Variants in SPATA22 observed in about 807,000 individuals in gnomAD.
SPATA22 encodes spermatogenesis associated 22, also known as spermatogenesis-associated protein 22.
In SPATA22, 29 loss-of-function variants were observed where a neutral mutation model predicts 47.8. That is an observed-to-expected ratio of 0.61 (90% CI 0.45 to 0.83). The LOEUF is 0.83. SPATA22 is among the 40% of genes least tolerant of loss of function. The probability of loss-of-function intolerance (pLI) is 0.00; values close to 1 mark genes in which losing one functional copy is unlikely to be tolerated. For synonymous variants in SPATA22, 133 were observed against 140.9 expected (o/e 0.94, Z 0.40); for missense variants, 410 against 421.7 (o/e 0.97, Z 0.24).
Position 3,490,478 on chromosome 17 carries a change from A to G in SPATA22, c.-73-21080T>C, listed in dbSNP as rs917976153. Among the ~76,000 whole-genome samples the G allele has an allele frequency of 2.0e-5, 3 of 152,346 alleles. No individual in the cohort carries two copies. The highest frequency in any genetic ancestry group is 4.1e-4 in the South Asian group (2 of 4,826). On this transcript the variant is annotated intron_variant, in intron 1 of 8. Transcript: ENST00000541913. This position sits in a 1 kb window ranked among gnomAD's most constrained non-coding sequence, Gnocchi z 4.6. ...TGTTGTTGAGGAATGGGCAATTATAATAACAGAGGGGGTGTGTACTTCGGT... is the reference window on the plus strand; with the variant it reads ...TGTTGTTGAGGAATGGGCAATTATAGTAACAGAGGGGGTGTGTACTTCGGT...
chr17:3,509,847 T>TA (rs35226204), intron 1 of SPATA22, among the ~76,000 whole-genome samples: 143,991 of 152,122 alleles, frequency 0.95, 68,642 homozygotes, highest in East Asian at 1. Flanking sequence ...GACTTTTTAA[T>TA]AATCGCCATT....
In SPATA22 at chr17:3,482,779, T is replaced by A. The variant is rs12951099; in HGVS notation, c.-73-13381A>T. ...ATAATGTAGCGATTCTTTTTTTTTTTAATTTTTTTTAAATTTTATTACTAT... is the reference window on the plus strand; with the variant it reads ...ATAATGTAGCGATTCTTTTTTTTTTAAATTTTTTTTAAATTTTATTACTAT... On this transcript the variant is annotated intron_variant, in intron 1 of 8. Coordinates refer to the SPATA22 transcript ENST00000541913. Among the ~76,000 whole-genome samples the A allele has an allele frequency of 8.1e-4, 121 of 149,612 alleles. 1 individual carries two copies. The highest frequency in any genetic ancestry group is 1.4e-3 in the Non-Finnish European group (96 of 67,458).
At chr17:3,446,057 C>T (rs2072719438) in intron 7 of SPATA22, among the ~76,000 whole-genome samples, 1 of 152,062 alleles carries the variant, frequency 6.6e-6, no homozygotes, top group Non-Finnish European at 1.5e-5. Flanking sequence ...CTCATGGCCC[C>T]TTCCTCCATC....
chr17:3,476,186 A>G, upstream of SPATA22: 3 of 1,614,078 alleles, frequency 1.9e-6, no homozygotes, highest in Non-Finnish European at 2.5e-6. Context: ...TTGCTGAAGA[A>G]CATATACAAA....
chr17:3,448,921 G>A lies in SPATA22; in HGVS notation c.558C>T (p.Cys186=). ...RQTHSSKISG[C]TMRGLDKNSA... The stretch of plus-strand genomic sequence containing the variant: ...TGTTTTTGTCTAGCCCTCTCATTGT[G>A]CAGCCAGATATTTTTGATGAATGTG... Residue 186 remains cysteine, a synonymous_variant, in exon 6 of 9, where the codon TGC becomes TGT. Transcript: ENST00000572969. The A allele has an allele frequency of 6.2e-7, 1 of 1,614,034 alleles. No homozygotes were observed. Among genetic ancestry groups the A allele is most frequent in the Non-Finnish European group, 8.5e-7 (1 of 1,179,982 alleles).
At chr17:3,506,823 C>T (rs1597456462) in intron 1 of SPATA22, among the ~76,000 whole-genome samples, 2 of 152,224 alleles carry the variant, frequency 1.3e-5, no homozygotes, top group South Asian at 4.1e-4. Flanking sequence ...TGCCTGTAGT[C>T]CCAGCTACTT....
chr17:3,500,483 T>G (rs1165006885), intron 1 of SPATA22: 1 of 147,160 alleles, frequency 6.8e-6, no homozygotes, highest in African/African-American at 2.5e-5. Flanking sequence ...ATTAACTGTT[T>G]CAAAAATCCT....
At chr17:3,471,827 T>TCGCAGGCGCCGTGGACCG (rs1196225225), upstream of SPATA22, 4 of 985,304 alleles carry the variant, frequency 4.1e-6, no homozygotes, top group African/African-American at 1.7e-5. Flanking sequence ...ATCAGGCTGT[T>TCGCAGGCGCCGTGGACCG]CGCAGGCGCC....
In SPATA22 at chr17:3,471,728, G is replaced by A. The variant is rs1055987546; in HGVS notation, c.-120C>T. 1.0e-6 allele frequency: 1 copy of A among 985,468 alleles called. No homozygotes were observed. The highest frequency in any genetic ancestry group is 1.2e-6 in the Non-Finnish European group (1 of 829,992). The allele number at this position is 985,468 out of a possible 1,614,324, so 61.0% of individuals were successfully genotyped here. On this transcript the variant is annotated 5_prime_UTR_variant, in exon 1 of 9. Coordinates refer to ENST00000572969, the MANE Select transcript of SPATA22 (RefSeq NM_001170698.2). ...CCTGCCAACACGACACACAACTTTC[G>A]CCCTCAGTTTCCCTCGCCTCCGTCA...
At position 3,485,789 on chromosome 17, in the gene SPATA22, A is replaced by G. The variant is rs889378191; in HGVS notation, c.-73-16391T>C. Among the ~76,000 whole-genome samples, 3 of 152,230 alleles carry G rather than the reference A, an allele frequency of 2.0e-5. No homozygotes were observed. The highest frequency in any genetic ancestry group is 7.2e-5 in the African/African-American group (3 of 41,460). ...GTAGAAGACACAAGACTCCTAAAACAGAGACAAAGAATAGATTATTGACAG... is the reference window on the plus strand; with the variant it reads ...GTAGAAGACACAAGACTCCTAAAACGGAGACAAAGAATAGATTATTGACAG... On this transcript the variant is annotated intron_variant, in intron 1 of 8. Coordinates refer to the SPATA22 transcript ENST00000541913. This position sits in a 1 kb window ranked among gnomAD's most constrained non-coding sequence, Gnocchi z 4.4.
chr17:3,506,976 G>A (rs1284726306), intron 1 of SPATA22, among the ~76,000 whole-genome samples: 1 of 77,178 alleles, frequency 1.3e-5, no homozygotes, highest in African/African-American at 5.6e-5. Flanking sequence ...AAGAGAGAGA[G>A]AAGGAAAAGA....
chr17:3,463,841 T>C (rs1369011175), intron 3 of SPATA22, among the ~76,000 whole-genome samples: 1 of 152,092 alleles, frequency 6.6e-6, no homozygotes, highest in Admixed American at 6.6e-5. Context: ...TTCTATTTCT[T>C]TTTTCAAAGA....
At chr17:3,508,385 C>A (rs1597457304) in intron 1 of SPATA22, among the ~76,000 whole-genome samples, 2 of 151,960 alleles carry the variant, frequency 1.3e-5, no homozygotes, top group East Asian at 3.9e-4. Flanking sequence ...TTTGACCCAG[C>A]CATCCCATGA....
chr17:3,473,236 T>C (rs1381516934), upstream of SPATA22, among the ~76,000 whole-genome samples: 2 of 152,214 alleles, frequency 1.3e-5, no homozygotes, highest in Admixed American at 1.3e-4. Flanking sequence ...TTCTGCTTAT[T>C]TATTTCCACC....
intron 5 of SPATA22, among the ~76,000 whole-genome samples, chr17:3,454,275 T>A (rs71360936): frequency 6.6e-6 from 1 of 150,998 alleles, no homozygotes; most frequent in Admixed American, 6.6e-5. Context: ...ATTGATATTG[T>A]TTTTTGTTTT....
At chr17:3,471,082 G>C (rs1037346721) in intron 1 of SPATA22, among the ~76,000 whole-genome samples, 1 of 151,904 alleles carries the variant, frequency 6.6e-6, no homozygotes, top group Non-Finnish European at 1.5e-5. Flanking sequence ...TTGAACCCGG[G>C]AGGCGGAGGT....
At chr17:3,512,926 A>C (rs1457768945) in intron 1 of SPATA22, 1 of 152,082 alleles carries the variant, frequency 6.6e-6, no homozygotes, top group Non-Finnish European at 1.5e-5. Flanking sequence ...ATATCGATCG[A>C]GCAGCTGCTA....
intron 5 of SPATA22, among the ~76,000 whole-genome samples, chr17:3,462,271 T>C (rs1165525824): frequency 2.0e-5 from 3 of 152,216 alleles, no homozygotes; most frequent in African/African-American, 7.2e-5. Flanking sequence ...GCATAATCAC[T>C]GTGAAATTTA....
intron 5 of SPATA22, among the ~76,000 whole-genome samples, chr17:3,459,143 T>C (rs997882614): frequency 5.3e-5 from 8 of 152,066 alleles, no homozygotes; most frequent in African/African-American, 1.9e-4. Context: ...TAAGGTGATG[T>C]CAGTCAAAGG....
Sources: gnomAD v4.1 joint callset for allele counts (sites outside exome capture counted in the v4.1 genomes callset) on GRCh38, gnomAD v4.1.1 for gene constraint, Gnocchi (gnomAD v3.1) non-coding constraint, MANE v1.5 for transcripts, NCBI Gene and HGNC (gene_info 2026-07-23, HGNC 2026-07-21) for gene names.